PKNOX2: variants seen among roughly 807,000 people sequenced by gnomAD.
The protein encoded by PKNOX2 is PBX/knotted 1 homeobox 2.
Under a neutral mutation model 53.1 loss-of-function variants are expected in PKNOX2, and 14 were observed. That is an observed-to-expected ratio of 0.26 (90% CI 0.17 to 0.41). PKNOX2 has a LOEUF of 0.41. PKNOX2 is among the 10% of genes least tolerant of loss of function. The pLI is 1.00. For synonymous variants in PKNOX2, 257 were observed against 242.8 expected (o/e 1.06, Z -0.54); for missense variants, 496 against 602.8 (o/e 0.82, Z 1.85).
Position 125,294,783 on chromosome 11 carries a change from G to T in PKNOX2, c.-129-37036G>T, listed in dbSNP as rs980315388. Among the ~76,000 whole-genome samples the T allele has an allele frequency of 3.3e-5, 5 of 152,330 alleles. No individual in the cohort carries two copies. In the South Asian group the frequency reaches 1.0e-3, roughly 32 times the overall value. On this transcript the variant is annotated intron_variant, in intron 2 of 12. Transcript: ENST00000298282. ...AACAGGTTAATATCTACTGTGCAAG[G>T]CTGTTGTGCAGATTACATGAGATGA...
At chr11:125,394,765 T>C (rs1236557656) in intron 6 of PKNOX2, among the ~76,000 whole-genome samples, 2 of 152,238 alleles carry the variant, frequency 1.3e-5, no homozygotes, top group Non-Finnish European at 2.9e-5. Context: ...TCAACATAAA[T>C]GGATCTGGAA....
In PKNOX2 at chr11:125,386,713, A is replaced by AACACACACAC. The variant is rs3138544; in HGVS notation, c.399+1022_399+1031dup. ...TGTGGTTCCAGAAAGGAAGAAAAAG[A>AACACACACAC]ACACACACACACACACACACACACA... On this transcript the variant is annotated intron_variant, in intron 6 of 12. Coordinates refer to ENST00000298282, the MANE Select transcript of PKNOX2 (RefSeq NM_001382323.2). Among the ~76,000 whole-genome samples, 1,058 of 141,122 alleles carry AACACACACAC rather than the reference A, an allele frequency of 7.5e-3. 11 individuals carry two copies. The highest frequency in any genetic ancestry group is 0.02 in the African/African-American group (736 of 37,300). The allele number at this position is 141,122 out of a possible 152,430, so 92.6% of individuals were successfully genotyped here.
At chr11:125,280,167 C>T (rs1946457595) in intron 2 of PKNOX2, among the ~76,000 whole-genome samples, 1 of 145,496 alleles carries the variant, frequency 6.9e-6, no homozygotes, top group Non-Finnish European at 1.5e-5. Context: ...TCTGTTTTTA[C>T]TTGGCTTTAA....
At chr11:125,349,344 C>A (rs534857800) in intron 3 of PKNOX2, among the ~76,000 whole-genome samples, 1 of 152,090 alleles carries the variant, frequency 6.6e-6, no homozygotes, top group African/African-American at 2.4e-5. Flanking sequence ...GGTTCCCCTG[C>A]CTGAAGAGAG....
At chr11:125,173,014 C>G (rs1164749826) in intron 1 of PKNOX2, among the ~76,000 whole-genome samples, 1 of 152,204 alleles carries the variant, frequency 6.6e-6, no homozygotes, top group Non-Finnish European at 1.5e-5. Context: ...GGAAGGAACA[C>G]AGGCTTTGGA....
intron 3 of PKNOX2, among the ~76,000 whole-genome samples, chr11:125,338,882 T>G (rs1378143000): frequency 6.6e-6 from 1 of 152,222 alleles, no homozygotes; most frequent in African/African-American, 2.4e-5. Flanking sequence ...GATTCTGTGC[T>G]AAAGGCAGGA....
chr11:125,288,558 A>G (rs1947071976), intron 2 of PKNOX2, among the ~76,000 whole-genome samples: 2 of 152,224 alleles, frequency 1.3e-5, no homozygotes, highest in Admixed American at 6.5e-5. Flanking sequence ...TCGGCCCTGC[A>G]AAGTGCCAAG....
chr11:125,198,480 C>T (rs561026374), intron 1 of PKNOX2, among the ~76,000 whole-genome samples: 97 of 152,328 alleles, frequency 6.4e-4, no homozygotes, highest in African/African-American at 2.2e-3. Flanking sequence ...GGTTCTCCTT[C>T]GATATCTTCA....
chr11:125,356,432 G>A (rs146538537), intron 4 of PKNOX2, among the ~76,000 whole-genome samples: 62 of 152,336 alleles, frequency 4.1e-4, no homozygotes, highest in East Asian at 1.7e-3. Context: ...GTTAGAACTC[G>A]TAGTTGAGGT....
chr11:125,192,680 T>C (rs1446499456), intron 1 of PKNOX2, among the ~76,000 whole-genome samples: 1 of 152,126 alleles, frequency 6.6e-6, no homozygotes, highest in Non-Finnish European at 1.5e-5. Context: ...AAGGGAGGTG[T>C]TTGCCCATTT....
intron 2 of PKNOX2, among the ~76,000 whole-genome samples, chr11:125,247,223 C>T (rs1442917803): frequency 6.6e-6 from 1 of 152,204 alleles, no homozygotes; most frequent in African/African-American, 2.4e-5. Context: ...TGCTTATCCA[C>T]ATGAGGTCCT....
At chr11:125,278,788 G>T (rs577137106) in intron 2 of PKNOX2, among the ~76,000 whole-genome samples, 4 of 152,202 alleles carry the variant, frequency 2.6e-5, no homozygotes, top group Non-Finnish European at 4.4e-5. Flanking sequence ...GATATCCCTC[G>T]CCAGCTCTTA....
intron 1 of PKNOX2, among the ~76,000 whole-genome samples, chr11:125,218,040 C>T (rs1419567072): frequency 2.6e-5 from 4 of 152,112 alleles, no homozygotes; most frequent in Non-Finnish European, 5.9e-5. Context: ...TGGGTCTTCT[C>T]CTTCTCCTCT....
intron 1 of PKNOX2, among the ~76,000 whole-genome samples, chr11:125,216,786 G>A (rs1940553732): frequency 6.6e-6 from 1 of 152,160 alleles, no homozygotes; most frequent in South Asian, 2.1e-4. Context: ...GGCCAGGTCA[G>A]TCAGGGGCTA....
At chr11:125,275,687 C>G (rs137976471) in intron 2 of PKNOX2, among the ~76,000 whole-genome samples, 4 of 152,180 alleles carry the variant, frequency 2.6e-5, no homozygotes, top group African/African-American at 9.6e-5. Context: ...TTTTTGGCAC[C>G]TGAATGGAGA....
At chr11:125,293,731 ACACACACACT>A (rs112521184) in intron 2 of PKNOX2, among the ~76,000 whole-genome samples, 75 of 152,036 alleles carry the variant, frequency 4.9e-4, no homozygotes, top group South Asian at 1.2e-3. Context: ...GTTGACACTA[ACACACACACT>A]CACACACACT....
chr11:125,225,332 C>G (rs904778353), intron 1 of PKNOX2, among the ~76,000 whole-genome samples: 3 of 152,186 alleles, frequency 2.0e-5, no homozygotes, highest in African/African-American at 7.2e-5. Flanking sequence ...TGACCCCCAG[C>G]CTAGTGAAGG....
At chr11:125,179,334 TGAG>T (rs1956020600) in intron 1 of PKNOX2, among the ~76,000 whole-genome samples, 1 of 152,114 alleles carries the variant, frequency 6.6e-6, no homozygotes, top group African/African-American at 2.4e-5. Context: ...ATACGAGCTT[TGAG>T]GAGAAGAGCC....
At chr11:125,316,361 G>A (rs1949193153) in intron 2 of PKNOX2, among the ~76,000 whole-genome samples, 1 of 152,188 alleles carries the variant, frequency 6.6e-6, no homozygotes, top group African/African-American at 2.4e-5. Flanking sequence ...AGAAGAAGCT[G>A]AAAGTGCAGG....
Sources: allele counts gnomAD v4.1 joint callset (sites outside exome capture counted in the v4.1 genomes callset), GRCh38; gene constraint gnomAD v4.1.1; transcripts MANE v1.5; gene names NCBI Gene and HGNC (gene_info 2026-07-23, HGNC 2026-07-21).